Variants in ARHGAP42 observed in about 807,000 individuals in gnomAD.
ARHGAP42 encodes the protein Rho GTPase activating protein 42.
A neutral mutation model predicts 125.0 loss-of-function variants in ARHGAP42; 63 were observed. The observed-to-expected ratio is 0.50, with a 90% CI of 0.41 to 0.62. ARHGAP42 has a LOEUF of 0.62. Among genes scored for constraint, ARHGAP42 ranks in the 20% least tolerant of loss-of-function variants. ARHGAP42 has a pLI of 0.00. For synonymous variants in ARHGAP42, 339 were observed against 351.0 expected (o/e 0.97, Z 0.38); for missense variants, 766 against 1,024.2 (o/e 0.75, Z 3.44).
chr11:100,703,245 C>T (rs1043057160), intron 1 of ARHGAP42, among the ~76,000 whole-genome samples: 1 of 152,150 alleles, frequency 6.6e-6, no homozygotes, highest in African/African-American at 2.4e-5. Context: ...TTGGCATTGC[C>T]ACTAACCAGT....
chr11:100,898,449 C>T (rs553006788), intron 4 of ARHGAP42, among the ~76,000 whole-genome samples: 20 of 152,178 alleles, frequency 1.3e-4, no homozygotes, highest in African/African-American at 2.7e-4. Flanking sequence ...TGTTAGAATT[C>T]GGCTATGAAT....
rs763198882 is a variant in ARHGAP42, at chr11:100,961,664, C to T, written c.1301-20C>T. 1 of 1,546,524 alleles carries T rather than the reference C, an allele frequency of 6.5e-7. No homozygotes were observed. The highest frequency in any genetic ancestry group is 1.2e-5 in the South Asian group (1 of 83,692). On this transcript the variant is annotated intron_variant, in intron 14 of 23. Coordinates refer to ENST00000298815, the MANE Select transcript of ARHGAP42 (RefSeq NM_152432.4). ...TATTTTGAACTGCACAATTTAAACA[C>T]CTTGTTTTATTCTTTCCAGCTCCTA...
At chr11:100,712,699 G>T (rs990741119) in intron 1 of ARHGAP42, among the ~76,000 whole-genome samples, 1 of 152,162 alleles carries the variant, frequency 6.6e-6, no homozygotes, top group East Asian at 1.9e-4. Context: ...GAGGGAAGGA[G>T]TTAATGAGTT....
intron 2 of ARHGAP42, among the ~76,000 whole-genome samples, chr11:100,778,508 A>AG (rs1220317675): frequency 6.6e-6 from 1 of 152,130 alleles, no homozygotes; most frequent in Non-Finnish European, 1.5e-5. Flanking sequence ...CTGCAGAGGA[A>AG]GCATATTTTA....
At chr11:100,931,212 T>G (rs1867572771) in intron 6 of ARHGAP42, among the ~76,000 whole-genome samples, 1 of 152,178 alleles carries the variant, frequency 6.6e-6, no homozygotes, top group African/African-American at 2.4e-5. Flanking sequence ...GCTCTAAAAA[T>G]TTTGCATTTT....
intron 1 of ARHGAP42, among the ~76,000 whole-genome samples, chr11:100,741,063 C>T (rs754306796): frequency 1.5e-4 from 23 of 152,072 alleles, no homozygotes; most frequent in Non-Finnish European, 2.9e-4. Flanking sequence ...TGAAATCTCA[C>T]GCTGTCTCCA....
chr11:100,726,155 G>A (rs1358547828), intron 1 of ARHGAP42, among the ~76,000 whole-genome samples: 2 of 150,744 alleles, frequency 1.3e-5, no homozygotes, highest in African/African-American at 2.4e-5. Context: ...ATAAAAGGTT[G>A]TAATGTTATA....
chr11:100,877,021 G>A (rs1304096007), intron 4 of ARHGAP42, among the ~76,000 whole-genome samples: 1 of 152,182 alleles, frequency 6.6e-6, no homozygotes, highest in Non-Finnish European at 1.5e-5. Flanking sequence ...ACTGTAGAAA[G>A]ATTTCAGGCA....
At chr11:100,722,389 A>C (rs1212498040) in intron 1 of ARHGAP42, among the ~76,000 whole-genome samples, 1 of 140,934 alleles carries the variant, frequency 7.1e-6, no homozygotes, top group Admixed American at 7.2e-5. Context: ...AAAAAAATTT[A>C]TTACTTTTTT....
Position 100,933,138 on chromosome 11 carries a change from A to G in ARHGAP42, c.598-18A>G. The G allele has an allele frequency of 6.7e-7, 1 of 1,491,954 alleles. No individual in the cohort carries two copies. Among genetic ancestry groups the G allele is most frequent in the Non-Finnish European group, 9.1e-7 (1 of 1,099,384 alleles). 92.4% of individuals were successfully genotyped at this position (1,491,954 alleles called of 1,614,324 possible). ...TAAAACACATTTTCATGGTTTCTTT[A>G]TCTCTTTATCTTTGCAGCTTTTGTC... On this transcript the variant is annotated intron_variant, in intron 6 of 23. Transcript: ENST00000298815.
At chr11:100,963,100 C>G (rs944989840) in intron 16 of ARHGAP42, among the ~76,000 whole-genome samples, 1 of 152,174 alleles carries the variant, frequency 6.6e-6, no homozygotes, top group African/African-American at 2.4e-5. Context: ...AAGCAGGACT[C>G]TAAATACGTA....
chr11:100,900,731 G>T (rs749174324), intron 4 of ARHGAP42, among the ~76,000 whole-genome samples: 1 of 152,058 alleles, frequency 6.6e-6, no homozygotes, highest in Non-Finnish European at 1.5e-5. Context: ...GCATCATGAA[G>T]TTCTCTTGCC....
chr11:100,841,041 G>A (rs1261085637), intron 3 of ARHGAP42, among the ~76,000 whole-genome samples: 2 of 152,118 alleles, frequency 1.3e-5, no homozygotes, highest in Non-Finnish European at 2.9e-5. Flanking sequence ...GTGAAGAACA[G>A]ATTCATTTGA....
chr11:100,740,488 G>C (rs140816693), intron 1 of ARHGAP42, among the ~76,000 whole-genome samples: 1 of 152,210 alleles, frequency 6.6e-6, no homozygotes, highest in Non-Finnish European at 1.5e-5. Context: ...ACTAAGATTT[G>C]AACCTGTCTG....
intron 3 of ARHGAP42, among the ~76,000 whole-genome samples, chr11:100,848,091 A>G (rs2135122908): frequency 6.6e-6 from 1 of 152,274 alleles, no homozygotes; most frequent in Non-Finnish European, 1.5e-5. Context: ...TCTCATGATG[A>G]CATATGAAGT....
At chr11:100,700,062 T>A (rs1157995892) in intron 1 of ARHGAP42, among the ~76,000 whole-genome samples, 1 of 152,084 alleles carries the variant, frequency 6.6e-6, no homozygotes, top group Non-Finnish European at 1.5e-5. Context: ...ATATTGCAGG[T>A]TTGGTTGCAG....
chr11:100,936,483 G>A lies in ARHGAP42; in HGVS notation c.832+151G>A, dbSNP rs143897996. ...CCCCCACCACAACCAAAGTGAGGAC[G>A]TTTTTCCGCATTTTGCCATCAGGAT... On this transcript the variant is annotated intron_variant, in intron 8 of 23. Coordinates refer to ENST00000298815, the MANE Select transcript of ARHGAP42 (RefSeq NM_152432.4). Among the ~76,000 whole-genome samples, 10 of 152,250 alleles carry A rather than the reference G, an allele frequency of 6.6e-5. No individual in the cohort carries two copies. The East Asian group carries it at 1.5e-3, about 24-fold the overall frequency.
chr11:100,724,676 A>G (rs949241378), intron 1 of ARHGAP42, among the ~76,000 whole-genome samples: 7 of 125,786 alleles, frequency 5.6e-5, no homozygotes, highest in Admixed American at 5.5e-4. Context: ...CATTTCCGAT[A>G]TTTGGGTCTT....
chr11:100,825,036 A>G (rs1864483420), intron 3 of ARHGAP42, among the ~76,000 whole-genome samples: 1 of 152,234 alleles, frequency 6.6e-6, no homozygotes, highest in Non-Finnish European at 1.5e-5. Flanking sequence ...ATCACAAGGA[A>G]TAACATTGTA....
Sources: gnomAD v4.1 joint callset for allele counts (sites outside exome capture counted in the v4.1 genomes callset) on GRCh38, gnomAD v4.1.1 for gene constraint, MANE v1.5 for transcripts, NCBI Gene and HGNC (gene_info 2026-07-23, HGNC 2026-07-21) for gene names.